Variants in IGSF22 observed in about 807,000 individuals in gnomAD.
The protein encoded by IGSF22 is immunoglobulin superfamily, member 22.
In IGSF22, 119 loss-of-function variants were observed where a neutral mutation model predicts 127.0. The observed-to-expected ratio is 0.94, with a 90% CI of 0.81 to 1.09. The LOEUF (loss-of-function observed/expected upper bound fraction) is 1.09, where lower values mean the gene tolerates loss of function less well. IGSF22 is among the 50% of genes least tolerant of loss of function. IGSF22 has a pLI of 0.00. For missense variants in IGSF22, 1,518 were observed against 1,716.6 expected (o/e 0.88, Z 2.04); for synonymous variants, 568 against 664.7 (o/e 0.85, Z 2.24).
rs916463432 is a variant in IGSF22 at position 18,713,941 on chromosome 11, T to C, written c.2006A>G (p.Asn669Ser). The C allele has an allele frequency of 5.6e-6, 9 of 1,614,216 alleles. No individual in the cohort carries two copies. Among genetic ancestry groups the C allele is most frequent in the Admixed American group, 1.7e-5 (1 of 60,026 alleles). The change falls in exon 14 of 23, where the codon AAC becomes AGC. Residue 669 changes from asparagine to serine, a missense_variant. Physicochemically the swap from Asn to Ser is conservative, Grantham distance 46. Coordinates refer to ENST00000513874, the MANE Select transcript of IGSF22 (RefSeq NM_173588.4). ...GAGGCCGCTGTCTTCACGCACACAG[T>C]TGGAGATGGTGAGCAGTGCCTGGTC... is the stretch of plus-strand genomic sequence containing the variant. ...GEDQALLTIS[N>S]CVREDSGLIL...
intron 1 of IGSF22, 74 bp downstream of exon 1, chr11:18,726,000 C>G (rs1350737766): frequency 6.6e-6 from 1 of 152,478 alleles, no homozygotes; most frequent in Non-Finnish European, 1.5e-5. Flanking sequence ...TTCCTGCCCT[C>G]TACCCTATAG....
Position 18,707,267 on chromosome 11 carries a change from C to T in IGSF22, c.3281-54G>A, listed in dbSNP as rs954144402. 1.7e-5 allele frequency: 25 copies of T among 1,432,994 alleles called. No homozygotes were observed. In the South Asian group the frequency reaches 2.6e-4, roughly 15 times the overall value. 88.8% of individuals were successfully genotyped at this position (1,432,994 alleles called of 1,614,324 possible). ...CCTTGGGGCACCTGAAGTATTATGTCCCCACCCCAGCCATCTGCCAAGTCC... is the reference window on the plus strand; with the variant it reads ...CCTTGGGGCACCTGAAGTATTATGTTCCCACCCCAGCCATCTGCCAAGTCC... On this transcript the variant is annotated intron_variant, in intron 20 of 22. Transcript: ENST00000513874.
intron 2 of IGSF22, among the ~76,000 whole-genome samples, chr11:18,722,877 G>T (rs765965050): frequency 1.3e-5 from 2 of 152,150 alleles, no homozygotes; most frequent in Non-Finnish European, 2.9e-5. Context: ...ACTAACAAGA[G>T]GTCTCAAACA....
At chr11:18,718,917 A>G (rs944097667) in intron 7 of IGSF22, among the ~76,000 whole-genome samples, 189 bp from the exon 8 acceptor site, 1 of 152,200 alleles carries the variant, frequency 6.6e-6, no homozygotes, top group Non-Finnish European at 1.5e-5. Context: ...GGGGATGAGT[A>G]AAAAACCATC....
At position 18,709,523 on chromosome 11, in the gene IGSF22, G is replaced by A. The variant is rs1410605134; in HGVS notation, c.2862C>T (p.Pro954=). Residue 954 remains proline, a synonymous_variant, in exon 18 of 23, where the codon CCC becomes CCT. Coordinates refer to ENST00000513874, the MANE Select transcript of IGSF22 (RefSeq NM_173588.4). The surrounding 1 kb of genome is among the most constrained non-coding windows in gnomAD (Gnocchi z 4.8). ...CCACTGTGTAGCAGGTGCCTGAGATGGGGATCTTTGTGCACTTGGACCACT... is the reference window on the plus strand; with the variant it reads ...CCACTGTGTAGCAGGTGCCTGAGATAGGGATCTTTGTGCACTTGGACCACT... The part of the protein sequence containing the change: ...TKEWSKCTKI[P]ISGTCYTVGG... 1.9e-6 allele frequency: 3 copies of A among 1,614,060 alleles called. No individual in the cohort carries two copies. The highest frequency in any genetic ancestry group is 1.3e-5 in the African/African-American group (1 of 74,924).
In IGSF22 at chr11:18,707,098, G is replaced by T; in HGVS notation, c.3396C>A (p.Ile1132=). The T allele has an allele frequency of 1.9e-6, 3 of 1,551,718 alleles. No individual in the cohort carries two copies. The highest frequency in any genetic ancestry group is 2.6e-6 in the Non-Finnish European group (3 of 1,146,992). The part of the protein sequence containing the change: ...VQEDGEAHYI[I]MKRDASTATW... ...TGGCTGTGCTTGCATCCCGCTTCAT[G>T]ATGATGTAGTGAGCCTCACCGTCCT... The change falls in exon 21 of 23, where the codon ATC becomes ATA. Residue 1132 remains isoleucine (I), a synonymous_variant. Coordinates refer to ENST00000513874, the MANE Select transcript of IGSF22 (RefSeq NM_173588.4).
At position 18,705,809 on chromosome 11, in the gene IGSF22, G is replaced by C; in HGVS notation, c.3910+8C>G. On this transcript the variant is annotated splice_region_variant and intron_variant, in intron 22 of 22. Transcript: ENST00000513874. ...CCTCCTCGAGGCCGGACCCCGCGGC[G>C]CCCTCACCATAGACGGTGAGCGTGC... The C allele has an allele frequency of 6.5e-7, 1 of 1,529,014 alleles. No homozygotes were observed. The highest frequency in any genetic ancestry group is 8.8e-7 in the Non-Finnish European group (1 of 1,133,692). 94.7% of individuals were successfully genotyped at this position (1,529,014 alleles called of 1,614,324 possible). A position where few individuals can be genotyped will look rare whatever the true frequency, so the allele number is the denominator to read the frequency against.
intron 15 of IGSF22, among the ~76,000 whole-genome samples, 181 bp from the exon 16 acceptor site, chr11:18,711,009 C>A (rs1266364179): frequency 6.6e-6 from 1 of 152,186 alleles, no homozygotes. Context: ...TTCTTGGGCT[C>A]AAGTGATCCT....
At chr11:18,707,704 G>C (rs1848268260) in intron 20 of IGSF22, 100 bp downstream of exon 20, 1 of 953,200 alleles carries the variant, frequency 1.0e-6, no homozygotes, top group East Asian at 2.6e-5. Flanking sequence ...TGGCCCTAAG[G>C]CATGACTTTC....
chr11:18,713,823 A>C, intron 14 of IGSF22, 29 bp downstream of exon 14: 1 of 1,560,184 alleles, frequency 6.4e-7, no homozygotes, highest in Non-Finnish European at 8.7e-7. Flanking sequence ...CCCTCAGCTC[A>C]GCCCAGCCCG....
chr11:18,722,201 G>A (rs1848587615), intron 2 of IGSF22, among the ~76,000 whole-genome samples, 160 bp from the exon 3 acceptor site: 2 of 152,150 alleles, frequency 1.3e-5, no homozygotes, highest in Non-Finnish European at 2.9e-5. Context: ...AGGGTGAGTC[G>A]ATGGGCCATT....
chr11:18,715,401 G>T, intron 11 of IGSF22, 31 bp downstream of exon 11: 1 of 1,589,324 alleles, frequency 6.3e-7, no homozygotes, highest in East Asian at 2.2e-5. Context: ...CAGGGGGATT[G>T]GTCAGTGGGG....
intron 6 of IGSF22, 68 bp from the exon 7 acceptor site, chr11:18,719,961 C>T: frequency 1.2e-6 from 2 of 1,610,250 alleles, no homozygotes; most frequent in Admixed American, 3.3e-5. Flanking sequence ...CCCCTCCCTA[C>T]TCCATGGATT....
In IGSF22 at chr11:18,704,402, A is replaced by G. The variant is rs996029549; in HGVS notation, c.*66T>C. ...CAAACTGGGCTTCCTACACTGGGCC[A>G]TGCAGAGGACAGGCCAAGAAACTCC... On this transcript the variant is annotated 3_prime_UTR_variant, in exon 23 of 23. Transcript: ENST00000513874. 20 of 1,063,152 alleles carry G rather than the reference A, an allele frequency of 1.9e-5. No individual in the cohort carries two copies. The highest frequency in any genetic ancestry group is 2.7e-5 in the South Asian group (2 of 74,494). The allele number at this position is 1,063,152 out of a possible 1,614,324, so 65.9% of individuals were successfully genotyped here.
At chr11:18,719,322 T>G (rs534972977) in intron 7 of IGSF22, among the ~76,000 whole-genome samples, 2,596 of 133,552 alleles carry the variant, frequency 0.019, 70 homozygotes, top group African/African-American at 0.079. Context: ...TTTTTTTTGT[T>G]TTTTTTTGTT....
intron 7 of IGSF22, among the ~76,000 whole-genome samples, chr11:18,719,308 C>A (rs549473970): frequency 0.088 from 5,587 of 63,408 alleles, 346 homozygotes; most frequent in African/African-American, 0.22. Context: ...CCACACCCAG[C>A]GGTTTTTTTT....
intron 1 of IGSF22, among the ~76,000 whole-genome samples, chr11:18,724,946 G>C (rs566127067): frequency 2.0e-5 from 3 of 151,324 alleles, no homozygotes; most frequent in Non-Finnish European, 4.4e-5. Flanking sequence ...CAGTCTCTAG[G>C]CTCCTTCTAG....
chr11:18,704,997 CT>C (rs1259301233), intron 22 of IGSF22, among the ~76,000 whole-genome samples: 2 of 152,178 alleles, frequency 1.3e-5, no homozygotes, highest in African/African-American at 2.4e-5. Context: ...GTGCCAGACA[CT>C]TAGCTAAGCA....
chr11:18,707,020 C>A lies in IGSF22; in HGVS notation c.3474G>T (p.Gly1158=). The change falls in exon 21 of 23, where the codon GGG becomes GGT. Residue 1158 remains glycine (G), a synonymous_variant. Transcript: ENST00000513874. ...AGTAGTACTTCCTGCCTGGGAGCAG[C>A]CCCGTCACTGTGTACTTGTTGCTGA... is the stretch of plus-strand genomic sequence containing the variant. ...RVFSNKYTVT[G]LLPGRKYYFR... The A allele has an allele frequency of 6.4e-7, 1 of 1,551,564 alleles. No individual in the cohort carries two copies. Among genetic ancestry groups the A allele is most frequent in the Non-Finnish European group, 8.7e-7 (1 of 1,146,922 alleles).
Sources: allele counts gnomAD v4.1 joint callset (sites outside exome capture counted in the v4.1 genomes callset), GRCh38; gene constraint gnomAD v4.1.1; non-coding constraint Gnocchi (gnomAD v3.1); transcripts MANE v1.5; gene names NCBI Gene and HGNC (gene_info 2026-07-23, HGNC 2026-07-21).